LAMA5: variants seen among roughly 807,000 people sequenced by gnomAD.
LAMA5 encodes the protein laminin subunit alpha 5.
Under a neutral mutation model 433.4 loss-of-function variants are expected in LAMA5, and 260 were observed. The observed-to-expected ratio is 0.60, with a 90% CI of 0.54 to 0.66. The LOEUF is 0.66. Among genes scored for constraint, LAMA5 ranks in the 30% least tolerant of loss-of-function variants. LAMA5 has a pLI of 0.00. For synonymous variants in LAMA5, 2,620 were observed against 2,226.6 expected (o/e 1.18, Z -4.97); for missense variants, 5,378 against 5,258.5 (o/e 1.02, Z -0.70).
rs367698707 is a variant in LAMA5, at chr20:62,327,203, T to G, written c.5112+30A>C. The G allele has an allele frequency of 8.2e-4, 1,198 of 1,469,208 alleles. 2 individuals are homozygous for G. The highest frequency in any genetic ancestry group is 1.0e-3 in the Non-Finnish European group (1,149 of 1,112,530). The allele number at this position is 1,469,208 out of a possible 1,614,324, so 91.0% of individuals were successfully genotyped here. A position where few individuals can be genotyped will look rare whatever the true frequency, so the allele number is the denominator to read the frequency against. On this transcript the variant is annotated intron_variant, in intron 38 of 79. Transcript: ENST00000252999. ...TCAGGCGTCCTGGCCATCCTCAAAG[T>G]GCCTCCCCCAGACCTGATGCCCTGC...
chr20:62,311,951 G>A lies in LAMA5; in HGVS notation c.9604C>T (p.His3202Tyr). Residue 3202 changes from histidine (H) to tyrosine (Y), a missense_variant, in exon 70 of 80, where the codon CAT (histidine) becomes TAT (tyrosine). By Grantham distance (83) the His-to-Tyr change is moderately conservative (BLOSUM62 2). Coordinates refer to ENST00000252999, the MANE Select transcript of LAMA5 (RefSeq NM_005560.6). ...GCATTGCTGTAGAAGGCGACGTAAT[G>A]GGGGGCACCATCGGCGAAGCCCGCT... ...TQAGFADGAPHYVAFYSNATG... is the reference protein window; with the variant it reads ...TQAGFADGAPYYVAFYSNATG... The A allele has an allele frequency of 6.2e-7, 1 of 1,612,402 alleles. No individual in the cohort carries two copies. The highest frequency in any genetic ancestry group is 1.3e-5 in the African/African-American group (1 of 75,054).
chr20:62,319,125 C>T (rs557556133), intron 51 of LAMA5, 112 bp from the exon 52 acceptor site: 139 of 1,210,712 alleles, frequency 1.1e-4, no homozygotes, highest in Middle Eastern at 8.1e-4. Context: ...GCCAGGGGCC[C>T]GGAACCTGAG....
intron 6 of LAMA5, among the ~76,000 whole-genome samples, chr20:62,349,208 T>TTGCAGTGAGCC (rs567254197): frequency 6.1e-4 from 88 of 143,330 alleles, no homozygotes; most frequent in African/African-American, 2.2e-3. Flanking sequence ...GAGGCGGAGC[T>TTGCAGTGAGCC]TGCAGTGAGC....
intron 31 of LAMA5, 100 bp from the exon 32 acceptor site, chr20:62,330,016 C>T (rs1190447712): frequency 6.8e-6 from 10 of 1,460,728 alleles, no homozygotes; most frequent in South Asian, 4.0e-5. Context: ...AAGGAGTGCC[C>T]GCTGGCCAAC....
Position 62,315,159 on chromosome 20 carries a change from G to T in LAMA5, c.7916C>A (p.Ala2639Asp). The change falls in exon 59 of 80, where the codon GCC becomes GAC. Residue 2639 changes from alanine to aspartate, a missense_variant. By Grantham distance (126) the Ala-to-Asp change is moderately radical. Transcript: ENST00000252999. ...IAHAKAVAAEAQDTATRVQSQ... is the reference protein window; with the variant it reads ...IAHAKAVAAEDQDTATRVQSQ... ...CTGCACACGGGTGGCGGTGTCCTGGGCTTCAGCAGCCACAGCCTTGGCATG... is the reference window on the plus strand; with the variant it reads ...CTGCACACGGGTGGCGGTGTCCTGGTCTTCAGCAGCCACAGCCTTGGCATG... The T allele has an allele frequency of 6.2e-7, 1 of 1,610,938 alleles. No individual in the cohort carries two copies.
At chr20:62,361,041 G>A (rs1986074580) in intron 2 of LAMA5, among the ~76,000 whole-genome samples, 1 of 152,106 alleles carries the variant, frequency 6.6e-6, no homozygotes, top group African/African-American at 2.4e-5. Flanking sequence ...CAGCCCCCTA[G>A]TTTCTCAAAG....
chr20:62,362,687 C>G (rs557421388), intron 1 of LAMA5, 135 bp from the exon 2 acceptor site: 10 of 714,904 alleles, frequency 1.4e-5, no homozygotes, highest in Non-Finnish European at 1.4e-5. Context: ...CGCCCCTCAT[C>G]CACTTGCTCA....
At chr20:62,360,298 G>A (rs1217908157) in intron 2 of LAMA5, among the ~76,000 whole-genome samples, 1 of 46,090 alleles carries the variant, frequency 2.2e-5, no homozygotes, top group South Asian at 8.0e-4. Flanking sequence ...ATAAAGGGTG[G>A]GTGCTGCATA....
chr20:62,318,308 A>AAGAGGAGGAGGGGGGGAGGACGAGGG, intron 53 of LAMA5, 146 bp downstream of exon 53: 2 of 235,656 alleles, frequency 8.5e-6, no homozygotes, highest in Admixed American at 7.8e-5. Flanking sequence ...GGGGGGGAAG[A>AAGAGGAGGAGGGGGGGAGGACGAGGG]AGAGGAGGAG....
Position 62,314,733 on chromosome 20 carries a change from G to T in LAMA5, c.8197-8C>A. 6 of 1,612,436 alleles carry T rather than the reference G, an allele frequency of 3.7e-6. No individual in the cohort carries two copies. Among genetic ancestry groups the T allele is most frequent in the Non-Finnish European group, 5.1e-6 (6 of 1,179,726 alleles). ...CTTCATGGGCACCTTGACCTGCGGG[G>T]CACGGTCCATCAGCGTCCACCACCA... On this transcript the variant is annotated splice_polypyrimidine_tract_variant and splice_region_variant and intron_variant, in intron 60 of 79. Coordinates refer to ENST00000252999, the MANE Select transcript of LAMA5 (RefSeq NM_005560.6).
rs1040715021 is a variant in LAMA5, at chr20:62,333,977, G to A, written c.2802C>T (p.Tyr934=). The A allele has an allele frequency of 8.1e-6, 13 of 1,612,800 alleles. No individual in the cohort carries two copies. The African/African-American group carries it at 1.3e-4, about 17-fold the overall frequency. Residue 934 remains tyrosine, a synonymous_variant, in exon 23 of 80, where the codon TAC becomes TAT. Coordinates refer to ENST00000252999, the MANE Select transcript of LAMA5 (RefSeq NM_005560.6). The part of the protein sequence containing the change: ...SPDLFWLVFR[Y]VNRGAMSVSG... The stretch of plus-strand genomic sequence containing the variant: ...TCACACTCATGGCCCCCCGGTTGAC[G>A]TATCGGAAGACGAGCCAGAAAAGGT...
chr20:62,334,378 C>G, intron 21 of LAMA5, 36 bp from the exon 22 acceptor site: 3 of 1,560,942 alleles, frequency 1.9e-6, no homozygotes, highest in Non-Finnish European at 2.6e-6. Flanking sequence ...TGCAGCTTGG[C>G]CATCCTACCT....
chr20:62,329,987 T>C, intron 31 of LAMA5, 71 bp from the exon 32 acceptor site: 1 of 1,549,114 alleles, frequency 6.5e-7, no homozygotes. Context: ...GGGTTGAAGA[T>C]GGCAGCGTTG....
At chr20:62,347,440 C>T (rs952227792) in intron 6 of LAMA5, among the ~76,000 whole-genome samples, 5 of 152,108 alleles carry the variant, frequency 3.3e-5, no homozygotes, top group Admixed American at 6.6e-5. Flanking sequence ...CTTTCCACTT[C>T]GGCCAGGACT....
rs1289014628 is a variant in LAMA5 at position 62,328,433 on chromosome 20, C to T, written c.4460G>A (p.Gly1487Asp). 6 of 1,502,730 alleles carry T rather than the reference C, an allele frequency of 4.0e-6. No individual in the cohort carries two copies. The South Asian group carries it at 5.2e-5, about 13-fold the overall frequency. The allele number at this position is 1,502,730 out of a possible 1,614,324, so 93.1% of individuals were successfully genotyped here. The change falls in exon 35 of 80, where the codon GGT (glycine) becomes GAT (aspartate). Residue 1487 changes from glycine (G) to aspartate (D), a missense_variant. Gly to Asp is a moderately conservative substitution (Grantham distance 94, BLOSUM62 -1). Transcript: ENST00000252999. ...CGTGAGCTCGTCACAGAGGCGGGCA[C>T]CGCAGTCACAGGCTGTGGGGCGGGT... ...GFPNCRPCDCGARLCDELTGQ... is the reference protein window; with the variant it reads ...GFPNCRPCDCDARLCDELTGQ...
chr20:62,354,840 C>T (rs1196231145), intron 2 of LAMA5, among the ~76,000 whole-genome samples: 2 of 152,172 alleles, frequency 1.3e-5, no homozygotes, highest in Non-Finnish European at 2.9e-5. Flanking sequence ...GAGGGTGAGC[C>T]CCTCCCCAGC....
chr20:62,317,022 T>G lies in LAMA5; in HGVS notation c.7513A>C (p.Ile2505Leu). The change falls in exon 56 of 80, where the codon ATC becomes CTC. Residue 2505 changes from isoleucine to leucine, a missense_variant and splice_region_variant. Coordinates refer to ENST00000252999, the MANE Select transcript of LAMA5 (RefSeq NM_005560.6). ...CGGTCCTGGTTGACGTCCAGGATGA[T>G]GCTGCAGCGGAAGGGAGGGTCGAAG... ...LGQLALNLSS[I>L]ILDVNQDRLT... 1 of 1,524,770 alleles carries G rather than the reference T, an allele frequency of 6.6e-7. No individual in the cohort carries two copies. Among genetic ancestry groups the G allele is most frequent in the Non-Finnish European group, 8.8e-7 (1 of 1,134,384 alleles). 94.5% of individuals were successfully genotyped at this position (1,524,770 alleles called of 1,614,324 possible).
At position 62,312,957 on chromosome 20, in the gene LAMA5, G is replaced by A; in HGVS notation, c.9009C>T (p.Asp3003=). 2 of 1,584,072 alleles carry A rather than the reference G, an allele frequency of 1.3e-6. No individual in the cohort carries two copies. ...CGGCCTTTTTCAGGCCAGCCCCAAAGTCATACAACAGCACGAGGCTGCCTT... is the reference window on the plus strand; with the variant it reads ...CGGCCTTTTTCAGGCCAGCCCCAAAATCATACAACAGCACGAGGCTGCCTT... The part of the protein sequence containing the change: ...VQEGSLVLLY[D]FGAGLKKAVP... Residue 3003 remains aspartate (D), a synonymous_variant, in exon 66 of 80, where the codon GAC becomes GAT. Coordinates refer to ENST00000252999, the MANE Select transcript of LAMA5 (RefSeq NM_005560.6).
At chr20:62,351,611 C>T in intron 6 of LAMA5, 93 bp downstream of exon 6, 1 of 1,235,182 alleles carries the variant, frequency 8.1e-7, no homozygotes, top group Non-Finnish European at 1.2e-6. Context: ...GGAACCAGGT[C>T]ACCCACCCTC....
Sources: gnomAD v4.1 joint callset for allele counts (sites outside exome capture counted in the v4.1 genomes callset) on GRCh38, gnomAD v4.1.1 for gene constraint, MANE v1.5 for transcripts, NCBI Gene and HGNC (gene_info 2026-07-23, HGNC 2026-07-21) for gene names.